Variants in AFF3 observed in about 807,000 individuals in gnomAD.
The protein encoded by AFF3 is ALF transcription elongation factor 3.
AFF3 carries 32 observed loss-of-function variants against 129.7 expected under a neutral mutation model. The ratio of observed to expected loss-of-function variants is 0.25; its 90% CI spans 0.19 to 0.33. The LOEUF (loss-of-function observed/expected upper bound fraction) is 0.33. AFF3 is among the 10% of genes least tolerant of loss of function. The pLI, the probability that AFF3 is intolerant of heterozygous loss-of-function variation, is 1.00. For synonymous variants in AFF3, 644 were observed against 635.4 expected (o/e 1.01, Z -0.20); for missense variants, 1,373 against 1,592.0 (o/e 0.86, Z 2.34).
intron 10 of AFF3, among the ~76,000 whole-genome samples, chr2:99,731,170 C>T (rs1398579927): frequency 6.6e-6 from 1 of 152,288 alleles, no homozygotes; most frequent in Non-Finnish European, 1.5e-5. Flanking sequence ...GTTGGCCAGG[C>T]TGCTCTCGAA....
At chr2:99,796,641 A>G (rs1685573113) in intron 8 of AFF3, among the ~76,000 whole-genome samples, 1 of 152,220 alleles carries the variant, frequency 6.6e-6, no homozygotes, top group South Asian at 2.1e-4. Context: ...TGCTCAGGAC[A>G]CAAGAGCGGA....
intron 1 of AFF3, among the ~76,000 whole-genome samples, chr2:100,140,905 C>G (rs1692842356): frequency 6.6e-6 from 1 of 152,136 alleles, no homozygotes; most frequent in South Asian, 2.1e-4. Context: ...ACACACACCA[C>G]CTCCCACCTT....
At chr2:99,928,574 A>T (rs1696444815) in intron 7 of AFF3, among the ~76,000 whole-genome samples, 1 of 152,202 alleles carries the variant, frequency 6.6e-6, no homozygotes, top group Admixed American at 6.5e-5. Context: ...CATGGATGAA[A>T]GACTCCTTCA....
chr2:99,615,654 G>T (rs1681350761), intron 13 of AFF3, among the ~76,000 whole-genome samples: 1 of 152,250 alleles, frequency 6.6e-6, no homozygotes. Flanking sequence ...TGGTGGGCGT[G>T]TGGGAGCCAG....
chr2:99,589,397 A>ATTTTTTTTTTTTTTTTTTTTTTTTTTT (rs55888825), intron 15 of AFF3, among the ~76,000 whole-genome samples: 2 of 103,384 alleles, frequency 1.9e-5, no homozygotes, highest in African/African-American at 3.6e-5. Context: ...AGATGTCAAC[A>ATTTTTTTTTTTTTTTTTTTTTTTTTTT]TTTTTTTTTT....
At chr2:100,042,224 A>C (rs1441743389) in intron 4 of AFF3, among the ~76,000 whole-genome samples, 1 of 152,102 alleles carries the variant, frequency 6.6e-6, no homozygotes, top group Non-Finnish European at 1.5e-5. Context: ...TGCAGTAGTT[A>C]ACTCTCCGAT....
chr2:99,904,319 T>C (rs1355000115), intron 7 of AFF3, among the ~76,000 whole-genome samples: 1 of 151,560 alleles, frequency 6.6e-6, no homozygotes, highest in Non-Finnish European at 1.5e-5. Context: ...AAAATGCACA[T>C]CCTCCCATTA....
At chr2:99,956,893 T>C (rs56332326) in intron 7 of AFF3, among the ~76,000 whole-genome samples, 28,874 of 152,156 alleles carry the variant, frequency 0.19, 3,592 homozygotes, top group African/African-American at 0.34. Context: ...GTGAGTTCTA[T>C]GCCATAAGAA....
intron 16 of AFF3, among the ~76,000 whole-genome samples, chr2:99,586,374 C>T (rs1162638854): frequency 6.6e-6 from 1 of 152,206 alleles, no homozygotes; most frequent in Non-Finnish European, 1.5e-5. Context: ...CTCCAGTTCC[C>T]TCGCCAAGTT....
At chr2:99,829,184 A>G (rs1688331427) in intron 8 of AFF3, among the ~76,000 whole-genome samples, 2 of 152,218 alleles carry the variant, frequency 1.3e-5, no homozygotes, top group African/African-American at 4.8e-5. Context: ...ATTAAGAAAG[A>G]TTAATAAAAC....
At chr2:100,133,061 G>A (rs1268592341) in intron 1 of AFF3, among the ~76,000 whole-genome samples, 1 of 151,510 alleles carries the variant, frequency 6.6e-6, no homozygotes, top group Non-Finnish European at 1.5e-5. Context: ...CCCAACAGCT[G>A]GGATTACAGG....
chr2:99,675,815 A>C (rs955717412), intron 11 of AFF3, among the ~76,000 whole-genome samples: 1 of 152,136 alleles, frequency 6.6e-6, no homozygotes, highest in Non-Finnish European at 1.5e-5. Context: ...CATGGGCCCA[A>C]CCCACTCCCA....
intron 12 of AFF3, among the ~76,000 whole-genome samples, chr2:99,657,686 T>C (rs1558708974): frequency 1.3e-5 from 2 of 152,220 alleles, no homozygotes; most frequent in African/African-American, 4.8e-5. Flanking sequence ...CTTTGAAAAA[T>C]ATTTGACTAT....
intron 4 of AFF3, among the ~76,000 whole-genome samples, chr2:100,098,346 G>A (rs1435142957): frequency 4.6e-5 from 7 of 151,976 alleles, no homozygotes; most frequent in African/African-American, 1.2e-4. Context: ...ATGGGGCCTC[G>A]ATTTTGCCAC....
At chr2:99,741,752 G>A (rs887620620) in intron 10 of AFF3, among the ~76,000 whole-genome samples, 10 of 151,880 alleles carry the variant, frequency 6.6e-5, no homozygotes, top group African/African-American at 1.5e-4. Context: ...AAAAGAGCCC[G>A]CATCGCCAAG....
At chr2:99,598,707 G>A (rs1282633824) in intron 14 of AFF3, among the ~76,000 whole-genome samples, 2 of 152,212 alleles carry the variant, frequency 1.3e-5, no homozygotes, top group Non-Finnish European at 2.9e-5. Context: ...AATGTGAGGT[G>A]CATGGCTATG....
intron 2 of AFF3, among the ~76,000 whole-genome samples, chr2:100,122,580 T>A (rs1425563795): frequency 6.6e-6 from 1 of 152,134 alleles, no homozygotes; most frequent in Non-Finnish European, 1.5e-5. Flanking sequence ...TTGTAAAAAC[T>A]GAACATATGA....
intron 7 of AFF3, among the ~76,000 whole-genome samples, chr2:99,891,057 A>G (rs1328746143): frequency 6.6e-6 from 1 of 152,192 alleles, no homozygotes; most frequent in Non-Finnish European, 1.5e-5. Flanking sequence ...GGAAGCACCA[A>G]GGTCAGCTGG....
intron 15 of AFF3, among the ~76,000 whole-genome samples, chr2:99,590,802 G>A (rs575393498): frequency 1.3e-5 from 2 of 152,156 alleles, no homozygotes; most frequent in South Asian, 2.1e-4. Context: ...AGACCAGCCT[G>A]ACCAACAATG....
Sources: gnomAD v4.1 joint callset for allele counts (sites outside exome capture counted in the v4.1 genomes callset) on GRCh38, gnomAD v4.1.1 for gene constraint, MANE v1.5 for transcripts, NCBI Gene and HGNC (gene_info 2026-07-23, HGNC 2026-07-21) for gene names.